ZFP69: variants seen among roughly 807,000 people sequenced by gnomAD.
ZFP69 encodes the protein zinc finger protein 69 homolog.
A neutral mutation model predicts 48.9 loss-of-function variants in ZFP69; 35 were observed. That is an observed-to-expected ratio of 0.72 (90% CI 0.55 to 0.95). The LOEUF is 0.95. ZFP69 is among the 40% of genes least tolerant of loss of function. ZFP69 has a pLI of 0.00. For synonymous variants in ZFP69, 193 were observed against 216.8 expected (o/e 0.89, Z 0.96); for missense variants, 557 against 638.4 (o/e 0.87, Z 1.37).
chr1:40,480,074 A>C (rs181540127), intron 2 of ZFP69, among the ~76,000 whole-genome samples: 280 of 152,300 alleles, frequency 1.8e-3, no homozygotes, highest in African/African-American at 6.3e-3. Context: ...ACACTCAGCC[A>C]GTATTTATTG....
chr1:40,482,815 A>G (rs1018357577), intron 3 of ZFP69, among the ~76,000 whole-genome samples: 1 of 152,232 alleles, frequency 6.6e-6, no homozygotes, highest in Non-Finnish European at 1.5e-5. Context: ...TATACATGTG[A>G]TGACAGAACT....
At chr1:40,483,006 A>G (rs1431121581) in intron 3 of ZFP69, among the ~76,000 whole-genome samples, 1 of 152,180 alleles carries the variant, frequency 6.6e-6, no homozygotes, top group Non-Finnish European at 1.5e-5. Context: ...ACGGAACACT[A>G]CGTCTAACAA....
At chr1:40,478,170 T>A (rs908371482) in intron 1 of ZFP69, among the ~76,000 whole-genome samples, 2 of 147,280 alleles carry the variant, frequency 1.4e-5, no homozygotes, top group Non-Finnish European at 3.0e-5. Flanking sequence ...CACATACCCA[T>A]CCTTCTCCAA....
At chr1:40,484,106 C>T (rs951563540) in intron 3 of ZFP69, among the ~76,000 whole-genome samples, 2 of 152,156 alleles carry the variant, frequency 1.3e-5, no homozygotes, top group Middle Eastern at 3.4e-3. Context: ...ATAAATAAAA[C>T]AATCAGTATG....
intron 5 of ZFP69, among the ~76,000 whole-genome samples, chr1:40,493,912 C>A (rs1645594706): frequency 6.6e-6 from 1 of 152,156 alleles, no homozygotes. Flanking sequence ...TAGAACCTAG[C>A]AGCAGTAACA....
At chr1:40,480,542 C>T (rs1002752405) in intron 2 of ZFP69, among the ~76,000 whole-genome samples, 1 of 150,626 alleles carries the variant, frequency 6.6e-6, no homozygotes, top group Non-Finnish European at 1.5e-5. Flanking sequence ...TTTGAAAGAA[C>T]ATTTTAGTCT....
chr1:40,479,876 G>A (rs891614041), intron 2 of ZFP69, among the ~76,000 whole-genome samples: 1 of 152,158 alleles, frequency 6.6e-6, no homozygotes, highest in South Asian at 2.1e-4. Context: ...TTTATCACAA[G>A]TATCAGTTTT....
At chr1:40,493,757 G>A (rs1183308013) in intron 5 of ZFP69, 1 of 152,078 alleles carries the variant, frequency 6.6e-6, no homozygotes, top group East Asian at 1.9e-4. Context: ...ATTTTGAATT[G>A]CTAATGATCC....
Position 40,496,239 on chromosome 1 carries a change from G to T in ZFP69, c.*180G>T. 2.0e-6 allele frequency: 1 copy of T among 497,518 alleles called. No individual in the cohort carries two copies. The highest frequency in any genetic ancestry group is 3.4e-6 in the Non-Finnish European group (1 of 297,900). The allele number at this position is 497,518 out of a possible 1,614,324, so 30.8% of individuals were successfully genotyped here. On this transcript the variant is annotated 3_prime_UTR_variant, in exon 6 of 6. Coordinates refer to ENST00000372706, the MANE Select transcript of ZFP69 (RefSeq NM_001320179.2). ...ACTAACACCTCTAAAAAGTACTTAA[G>T]ATTAAAATCTGGTCCTTAAAATTAA... is the stretch of plus-strand genomic sequence containing the variant.
intron 5 of ZFP69, among the ~76,000 whole-genome samples, chr1:40,492,437 G>A (rs569599478): frequency 2.0e-5 from 3 of 151,988 alleles, no homozygotes; most frequent in South Asian, 2.1e-4. Flanking sequence ...TTTTTCTGTC[G>A]TGTTTCTCTC....
At chr1:40,489,419 C>T in intron 4 of ZFP69, 110 bp from the exon 5 acceptor site, 1 of 1,146,426 alleles carries the variant, frequency 8.7e-7, no homozygotes, top group African/African-American at 1.6e-5. Flanking sequence ...TAGAAAGACC[C>T]ACCCCTTTCC....
chr1:40,495,118 T>C lies in ZFP69; in HGVS notation c.640T>C (p.Leu214=). The change falls in exon 6 of 6, where the codon TTG becomes CTG. Residue 214 remains leucine (L), a synonymous_variant. Transcript: ENST00000372706. ...TATGAGAGATGTGAGACAAGCCATC[T>C]TGACCCATAAGAAGAGAGTCCAAGA... ...TCMRDVRQAI[L]THKKRVQETN... The C allele has an allele frequency of 2.5e-6, 4 of 1,614,130 alleles. No homozygotes were observed. Among genetic ancestry groups the C allele is most frequent in the Non-Finnish European group, 3.4e-6 (4 of 1,180,014 alleles).
In ZFP69 at chr1:40,479,636, G is replaced by A; in HGVS notation, c.127+148G>A. ...TTTTTGGGAAGGGGACAGCTGTGAG[G>A]GAAAATCTTGGGGTCCAGCATGGAC... On this transcript the variant is annotated intron_variant, in intron 2 of 5. Coordinates refer to ENST00000372706, the MANE Select transcript of ZFP69 (RefSeq NM_001320179.2). 2.6e-6 allele frequency: 3 copies of A among 1,134,552 alleles called. No individual in the cohort carries two copies. In the South Asian group the frequency reaches 4.9e-5, roughly 19 times the overall value. The allele number at this position is 1,134,552 out of a possible 1,614,324, so 70.3% of individuals were successfully genotyped here.
At position 40,479,302 on chromosome 1, in the gene ZFP69, C is replaced by T; in HGVS notation, c.-60C>T. On this transcript the variant is annotated 5_prime_UTR_variant, in exon 2 of 6. Transcript: ENST00000372706. The stretch of plus-strand genomic sequence containing the variant: ...AACACCCCACAACTGTGAAGCGTCT[C>T]ATCAAGAGCTTCTGGCAATTTCCTC... 6 of 1,607,274 alleles carry T rather than the reference C, an allele frequency of 3.7e-6. No homozygotes were observed. Among genetic ancestry groups the T allele is most frequent in the Non-Finnish European group, 5.1e-6 (6 of 1,176,618 alleles).
intron 5 of ZFP69, among the ~76,000 whole-genome samples, chr1:40,492,083 G>A (rs1367964089): frequency 6.6e-6 from 1 of 151,946 alleles, no homozygotes; most frequent in Non-Finnish European, 1.5e-5. Context: ...AGCTGGCCTC[G>A]AATTCCTGGG....
At chr1:40,484,744 AT>A (rs1278880585) in intron 3 of ZFP69, among the ~76,000 whole-genome samples, 6 of 144,472 alleles carry the variant, frequency 4.2e-5, no homozygotes, top group East Asian at 2.0e-4. Flanking sequence ...CACCCGGCTA[AT>A]TTTTTTTTTG....
intron 2 of ZFP69, among the ~76,000 whole-genome samples, chr1:40,480,797 T>C (rs1474561933): frequency 2.0e-5 from 3 of 152,150 alleles, no homozygotes; most frequent in Non-Finnish European, 4.4e-5. Flanking sequence ...ATCATCACAG[T>C]AGAGGCCCAA....
At chr1:40,492,733 G>C (rs1645581431) in intron 5 of ZFP69, among the ~76,000 whole-genome samples, 1 of 152,054 alleles carries the variant, frequency 6.6e-6, no homozygotes, top group Non-Finnish European at 1.5e-5. Flanking sequence ...AATCCTTCCA[G>C]GAATATGATA....
At chr1:40,484,823 C>A (rs1017127595) in intron 3 of ZFP69, among the ~76,000 whole-genome samples, 1 of 149,666 alleles carries the variant, frequency 6.7e-6, no homozygotes, top group African/African-American at 2.5e-5. Flanking sequence ...CCTCGTGATC[C>A]GCCCGCCTCT....
Sources: gnomAD v4.1 joint callset for allele counts (sites outside exome capture counted in the v4.1 genomes callset) on GRCh38, gnomAD v4.1.1 for gene constraint, MANE v1.5 for transcripts, NCBI Gene and HGNC (gene_info 2026-07-23, HGNC 2026-07-21) for gene names.